GLI3: variants seen among roughly 807,000 people sequenced by gnomAD.
GLI3 encodes GLI family zinc finger 3.
Under a neutral mutation model 100.8 loss-of-function variants are expected in GLI3, and 20 were observed. That is an observed-to-expected ratio of 0.20 (90% CI 0.14 to 0.29). The LOEUF is 0.29. GLI3 is among the 10% of genes least tolerant of loss of function. The probability of loss-of-function intolerance (pLI) is 1.00; values close to 1 mark genes in which losing one functional copy is unlikely to be tolerated. For synonymous variants in GLI3, 938 were observed against 860.5 expected (o/e 1.09, Z -1.58); for missense variants, 2,040 against 2,128.5 (o/e 0.96, Z 0.82).
chr7:42,133,176 T>C (rs1277582652), intron 3 of GLI3, among the ~76,000 whole-genome samples: 1 of 152,198 alleles, frequency 6.6e-6, no homozygotes, highest in Admixed American at 6.5e-5. Flanking sequence ...ATCATCAGCT[T>C]ACTTAAGTGA....
intron 3 of GLI3, among the ~76,000 whole-genome samples, chr7:42,079,294 C>T (rs570803641): frequency 6.6e-6 from 1 of 152,272 alleles, no homozygotes; most frequent in Non-Finnish European, 1.5e-5. Flanking sequence ...TAACCATTTT[C>T]AAAGGAAATT....
At chr7:42,219,366 A>G (rs1788437692) in intron 2 of GLI3, among the ~76,000 whole-genome samples, 1 of 152,242 alleles carries the variant, frequency 6.6e-6, no homozygotes, top group Non-Finnish European at 1.5e-5. Context: ...AAAGATTACC[A>G]AAGGCTTTAT....
At chr7:42,112,553 T>C (rs998878951) in intron 3 of GLI3, among the ~76,000 whole-genome samples, 3 of 152,186 alleles carry the variant, frequency 2.0e-5, no homozygotes, top group Non-Finnish European at 2.9e-5. Context: ...TTATTACATA[T>C]TGCATGCCTG....
intron 2 of GLI3, among the ~76,000 whole-genome samples, chr7:42,205,172 A>G (rs1788124008): frequency 6.6e-6 from 1 of 152,174 alleles, no homozygotes; most frequent in African/African-American, 2.4e-5. Context: ...GATACTTTTT[A>G]TAAGAATCCA....
At position 41,965,698 on chromosome 7, in the gene GLI3, C is replaced by T. The variant is rs1222525388; in HGVS notation, c.3375G>A (p.Gly1125=). 9.9e-6 allele frequency: 16 copies of T among 1,613,578 alleles called. No individual in the cohort carries two copies. Among genetic ancestry groups the T allele is most frequent in the South Asian group, 4.4e-5 (4 of 91,090 alleles). Residue 1125 remains glycine (G), a synonymous_variant, in exon 15 of 15, where the codon GGG becomes GGA. Coordinates refer to ENST00000395925, the MANE Select transcript of GLI3 (RefSeq NM_000168.6). ...GCCCGGGCGCGTCAAAGTCACCGGGCCCGTGGGGCACTTTGCTGTCGTCCG... is the reference window on the plus strand; with the variant it reads ...GCCCGGGCGCGTCAAAGTCACCGGGTCCGTGGGGCACTTTGCTGTCGTCCG... ...ALPDDSKVPH[G]PGDFDAPGLP...
At chr7:42,145,340 T>A (rs1316401374) in intron 3 of GLI3, 1 of 386,662 alleles carries the variant, frequency 2.6e-6, no homozygotes, top group East Asian at 3.7e-5. Flanking sequence ...CTGCATGTAT[T>A]AAAGTTTGCA....
intron 10 of GLI3, among the ~76,000 whole-genome samples, chr7:42,017,715 C>G (rs1788806929): frequency 6.6e-6 from 1 of 152,222 alleles, no homozygotes; most frequent in African/African-American, 2.4e-5. Context: ...AAAAGGAAGT[C>G]TCTTGGCTTC....
At chr7:42,262,302 C>T (rs899903051) in intron 1 of GLI3, among the ~76,000 whole-genome samples, 11 of 148,266 alleles carry the variant, frequency 7.4e-5, no homozygotes, top group Non-Finnish European at 1.3e-4. Context: ...CTCTGTCATC[C>T]AGGCTGGAGT....
intron 10 of GLI3, among the ~76,000 whole-genome samples, chr7:42,001,160 A>C (rs559317102): frequency 4.0e-4 from 56 of 140,640 alleles, no homozygotes; most frequent in African/African-American, 1.5e-3. Context: ...CAGGAGAATC[A>C]TTTGACTGTG....
At chr7:42,017,392 G>A (rs62441529) in intron 10 of GLI3, among the ~76,000 whole-genome samples, 20,806 of 152,148 alleles carry the variant, frequency 0.14, 1,984 homozygotes, top group East Asian at 0.37. Context: ...AGTATACAAC[G>A]GATGAATGAA....
chr7:42,064,806 T>G (rs1292093072), intron 4 of GLI3, among the ~76,000 whole-genome samples: 1 of 152,230 alleles, frequency 6.6e-6, no homozygotes, highest in Non-Finnish European at 1.5e-5. Flanking sequence ...AACTCCCATC[T>G]TCCTGATAAA....
chr7:42,253,290 C>T (rs1789051917), intron 1 of GLI3, among the ~76,000 whole-genome samples: 1 of 152,216 alleles, frequency 6.6e-6, no homozygotes, highest in African/African-American at 2.4e-5. Context: ...GTTCACAGTG[C>T]ACAGTGGCTT....
intron 3 of GLI3, among the ~76,000 whole-genome samples, chr7:42,127,985 C>G (rs1237027522): frequency 6.8e-6 from 1 of 147,324 alleles, no homozygotes; most frequent in South Asian, 2.2e-4. Flanking sequence ...AGCCACCACA[C>G]TCCAGCCTGG....
At chr7:42,260,960 T>C (rs1257357576) in intron 1 of GLI3, among the ~76,000 whole-genome samples, 3 of 152,212 alleles carry the variant, frequency 2.0e-5, no homozygotes, top group Non-Finnish European at 2.9e-5. Flanking sequence ...GTGTGCAGCA[T>C]GGCTAGAGCA....
At chr7:42,082,190 AG>A (rs555329713) in intron 3 of GLI3, among the ~76,000 whole-genome samples, 6 of 152,076 alleles carry the variant, frequency 3.9e-5, no homozygotes, top group Non-Finnish European at 8.8e-5. Context: ...CCGACTGCCA[AG>A]GAACTCACTC....
chr7:42,039,291 C>T (rs1228451283), intron 7 of GLI3, among the ~76,000 whole-genome samples: 1 of 152,136 alleles, frequency 6.6e-6, no homozygotes, highest in South Asian at 2.1e-4. Context: ...TGATCATTAG[C>T]AGTAAGAAAT....
At chr7:42,045,177 C>T (rs560205501) in intron 6 of GLI3, among the ~76,000 whole-genome samples, 39 of 152,256 alleles carry the variant, frequency 2.6e-4, no homozygotes, top group African/African-American at 7.5e-4. Flanking sequence ...CACTGGTATC[C>T]TTGAGCTAAA....
intron 7 of GLI3, among the ~76,000 whole-genome samples, chr7:42,033,516 A>G (rs1227843641): frequency 6.6e-6 from 1 of 152,220 alleles, no homozygotes; most frequent in Non-Finnish European, 1.5e-5. Context: ...CAAGATTGGA[A>G]GTAAAGTCAG....
chr7:41,965,272 T>G lies in GLI3; in HGVS notation c.3801A>C (p.Ala1267=). Residue 1267 remains alanine, a synonymous_variant, in exon 15 of 15, where the codon GCA becomes GCC. Coordinates refer to ENST00000395925, the MANE Select transcript of GLI3 (RefSeq NM_000168.6). ...TCCCGGCACCACAGGCACCGTCGAG[T>G]GCACCAGGGGCCACTGGCTGCCTGT... ...CLNRQPVAPG[A]LDGACGAGIQ... is the part of the protein sequence containing the mutation. The G allele has an allele frequency of 1.9e-6, 3 of 1,613,698 alleles. No individual in the cohort carries two copies. Among genetic ancestry groups the G allele is most frequent in the Non-Finnish European group, 2.5e-6 (3 of 1,179,712 alleles).
Sources: allele counts gnomAD v4.1 joint callset (sites outside exome capture counted in the v4.1 genomes callset), GRCh38; gene constraint gnomAD v4.1.1; transcripts MANE v1.5; gene names NCBI Gene and HGNC (gene_info 2026-07-23, HGNC 2026-07-21).